The following CDC27 variants were observed in gnomAD, a reference collection of about 807,000 sequenced individuals.
CDC27 encodes the protein cell division cycle 27, also known as cell division cycle protein 27 homolog.
A neutral mutation model predicts 109.7 loss-of-function variants in CDC27; 27 were observed. That is an observed-to-expected ratio of 0.25 (90% confidence interval 0.18 to 0.34). CDC27 has a LOEUF of 0.34. Ranked by LOEUF, CDC27 falls within the 10% of genes least tolerant of loss-of-function variation. The pLI, the probability that CDC27 is intolerant of heterozygous loss-of-function variation, is 1.00. For missense variants in CDC27, 579 were observed against 960.2 expected, an observed-to-expected ratio of 0.60 and a Z score of 5.25; for synonymous variants, 266 against 333.9, an observed-to-expected ratio of 0.80 and a Z score of 2.22.
intron 5 of CDC27, among the ~76,000 whole-genome samples, chr17:47,157,756 C>G (rs1182722893): frequency 2.0e-5 from 3 of 152,150 alleles, no homozygotes; most frequent in Non-Finnish European, 4.4e-5. Context: ...GGTTGAAGCC[C>G]TTCTATATAT....
chr17:47,134,785 C>CTT (rs376654308), intron 14 of CDC27, among the ~76,000 whole-genome samples: 38 of 124,990 alleles, frequency 3.0e-4, no homozygotes, highest in African/African-American at 4.8e-4. Flanking sequence ...TAATTGTTTT[C>CTT]TTTTTTTTTT....
intron 6 of CDC27, 53 bp from the exon 7 acceptor site, chr17:47,157,177 T>C (rs1437320085): frequency 3.9e-6 from 6 of 1,556,844 alleles, no homozygotes; most frequent in Non-Finnish European, 5.3e-6. Context: ...TTAGTTCAGA[T>C]CATTCTTTGT....
chr17:47,156,619 T>C (rs1337097981), intron 7 of CDC27: 1 of 183,938 alleles, frequency 5.4e-6, no homozygotes, highest in South Asian at 1.9e-4. Context: ...AGCTAATTTT[T>C]GTATTTTTAG....
At chr17:47,150,592 C>T (rs1598479614) in intron 9 of CDC27, among the ~76,000 whole-genome samples, 1 of 152,310 alleles carries the variant, frequency 6.6e-6, no homozygotes, top group South Asian at 2.1e-4. Context: ...TGATTTTGGA[C>T]TTATGGCTTT....
At chr17:47,138,175 A>G (rs926630209) in intron 13 of CDC27, among the ~76,000 whole-genome samples, 12 of 152,094 alleles carry the variant, frequency 7.9e-5, no homozygotes, top group Non-Finnish European at 1.3e-4. Flanking sequence ...ATAATCCACA[A>G]TCTATCTCTG....
At chr17:47,160,376 C>T (rs2048372241) in intron 4 of CDC27, among the ~76,000 whole-genome samples, 1 of 151,966 alleles carries the variant, frequency 6.6e-6, no homozygotes, top group African/African-American at 2.4e-5. Context: ...TACAGGTGCA[C>T]ACCACCATGC....
chr17:47,148,251 C>T (rs1025569039), intron 9 of CDC27, among the ~76,000 whole-genome samples: 3 of 149,240 alleles, frequency 2.0e-5, no homozygotes, highest in Non-Finnish European at 3.0e-5. Flanking sequence ...AGATGAAAGA[C>T]AAATGTCTGC....
intron 9 of CDC27, among the ~76,000 whole-genome samples, chr17:47,150,876 T>C (rs2063132937): frequency 6.6e-6 from 1 of 151,968 alleles, no homozygotes; most frequent in South Asian, 2.1e-4. Flanking sequence ...TTACTAAAAA[T>C]ACAAAATTAG....
chr17:47,183,117 G>C (rs971522261), intron 1 of CDC27, among the ~76,000 whole-genome samples: 1 of 152,138 alleles, frequency 6.6e-6, no homozygotes, highest in African/African-American at 2.4e-5. Context: ...ACTAGGTAAT[G>C]TCAAATCATT....
In CDC27 at chr17:47,132,351, T is replaced by A; in HGVS notation, c.1937A>T (p.Tyr646Phe). Residue 646 changes from tyrosine (Y) to phenylalanine (F), a missense_variant, in exon 15 of 19, where the codon TAC (tyrosine) becomes TTC (phenylalanine). By Grantham distance (22) the Tyr-to-Phe change is conservative (BLOSUM62 3). This residue lies in a region of CDC27 where 227 missense variants were observed against 363.6 expected (regional missense o/e 0.62). Transcript: ENST00000066544. ...NAWYGLGMIY[Y>F]KQEKFSLAEM... The stretch of plus-strand genomic sequence containing the variant: ...TGCAAGGCTGAATTTTTCTTGCTTG[T>A]AATAAATCATTCCTAAACCATACCT... 6.3e-7 allele frequency: 1 copy of A among 1,591,198 alleles called. No homozygotes were observed. The highest frequency in any genetic ancestry group is 8.6e-7 in the Non-Finnish European group (1 of 1,161,580).
At chr17:47,157,425 T>C (rs1298275663) in intron 5 of CDC27, 41 bp from the exon 6 acceptor site, 7 of 1,501,066 alleles carry the variant, frequency 4.7e-6, no homozygotes, top group Non-Finnish European at 6.4e-6. Context: ...TCTGAGGAAG[T>C]GAGGAATACA....
At chr17:47,132,574 ATTTT>A (rs1216785658) in intron 14 of CDC27, among the ~76,000 whole-genome samples, 200 bp from the exon 15 acceptor site, 1 of 150,432 alleles carries the variant, frequency 6.6e-6, no homozygotes, top group Non-Finnish European at 1.5e-5. Context: ...AAATAAAAAA[ATTTT>A]TTTTTGAATT....
intron 2 of CDC27, among the ~76,000 whole-genome samples, chr17:47,174,712 T>C (rs181535327): frequency 1.3e-5 from 2 of 152,246 alleles, no homozygotes; most frequent in Non-Finnish European, 2.9e-5. Flanking sequence ...TCCCAGCACT[T>C]TGGGAGGCCG....
chr17:47,134,970 T>G (rs1163954065), intron 14 of CDC27, among the ~76,000 whole-genome samples: 1 of 152,032 alleles, frequency 6.6e-6, no homozygotes, highest in Non-Finnish European at 1.5e-5. Flanking sequence ...TTATTACATG[T>G]GTGCCAAGAC....
At chr17:47,188,901 A>C in intron 1 of CDC27, 1 of 1,385,628 alleles carries the variant, frequency 7.2e-7, no homozygotes, top group Non-Finnish European at 9.4e-7. Context: ...GTTGGCTCGG[A>C]CGGGAAAGGC....
intron 5 of CDC27, 73 bp from the exon 6 acceptor site, chr17:47,157,457 T>TTAGCTTGAACCTCCTCCTA: frequency 8.4e-7 from 1 of 1,197,076 alleles, no homozygotes; most frequent in Non-Finnish European, 1.2e-6. Context: ...TATGCATAAA[T>TTAGCTTGAACCTCCTCCTA]CAGTGGAAAC....
intron 4 of CDC27, among the ~76,000 whole-genome samples, chr17:47,166,648 CTCT>C (rs2063656567): frequency 6.6e-6 from 1 of 152,024 alleles, no homozygotes; most frequent in Non-Finnish European, 1.5e-5. Flanking sequence ...ATTTACTGTG[CTCT>C]TCTTTTTCTA....
chr17:47,177,755 T>A (rs939160765), intron 2 of CDC27, among the ~76,000 whole-genome samples: 9 of 152,138 alleles, frequency 5.9e-5, no homozygotes, highest in African/African-American at 2.2e-4. Context: ...ATCCTCTTAG[T>A]CTCATAGAGT....
chr17:47,172,019 C>T lies in CDC27; in HGVS notation c.149G>A (p.Arg50His). Residue 50 changes from arginine (R) to histidine (H), a missense_variant, in exon 3 of 19, where the codon CGC becomes CAC. Arg to His is a conservative substitution (Grantham distance 29, BLOSUM62 0). Transcript: ENST00000066544. ...ALFLLATCYY[R>H]SGKAYKAYRL... ...ATATGCTTTATATGCCTTTCCTGAG[C>T]GGTAATAACAGGTTGCCAGTAAAAA... 6.3e-7 allele frequency: 1 copy of T among 1,592,858 alleles called. No individual in the cohort carries two copies. The highest frequency in any genetic ancestry group is 8.5e-7 in the Non-Finnish European group (1 of 1,170,968).
Sources: allele counts gnomAD v4.1 joint callset (sites outside exome capture counted in the v4.1 genomes callset), GRCh38; gene constraint gnomAD v4.1.1; regional missense constraint gnomAD v4.1.1; transcripts MANE v1.5; gene names NCBI Gene and HGNC (gene_info 2026-07-23, HGNC 2026-07-21).